Variants in SLC24A2 observed in about 807,000 individuals in gnomAD.
The protein encoded by SLC24A2 is sodium/potassium/calcium exchanger 2.
A neutral mutation model predicts 62.0 loss-of-function variants in SLC24A2; 36 were observed. The ratio of observed to expected loss-of-function variants is 0.58; its 90% CI spans 0.44 to 0.77. The LOEUF is 0.77. Ranked by LOEUF, SLC24A2 falls within the 30% of genes least tolerant of loss-of-function variation. The probability of loss-of-function intolerance (pLI) is 0.00; values close to 1 mark genes in which losing one functional copy is unlikely to be tolerated. For synonymous variants in SLC24A2, 358 were observed against 294.0 expected (o/e 1.22, Z -2.23); for missense variants, 846 against 817.9 (o/e 1.03, Z -0.42).
intron 6 of SLC24A2, 82 bp from the exon 7 acceptor site, chr9:19,573,551 G>GAA: frequency 2.3e-6 from 2 of 862,288 alleles, no homozygotes; most frequent in Admixed American, 1.7e-5. Flanking sequence ...GAGAGAGAGA[G>GAA]AGAAAGCAAA....
chr9:19,848,585 G>A, the SLC24A2 span, among the ~76,000 whole-genome samples: 5 of 152,128 alleles, frequency 3.3e-5, no homozygotes, highest in African/African-American at 1.2e-4. Context: ...TCCTAGGCAA[G>A]AGTTAGCTAT....
the SLC24A2 span, among the ~76,000 whole-genome samples, chr9:20,171,964 C>T: frequency 3.3e-5 from 5 of 152,034 alleles, no homozygotes; most frequent in African/African-American, 1.2e-4. Context: ...TATGATAGGC[C>T]ACAGTACAAG....
chr9:20,065,414 C>T, the SLC24A2 span, among the ~76,000 whole-genome samples: 8 of 152,194 alleles, frequency 5.3e-5, no homozygotes, highest in African/African-American at 1.7e-4. Context: ...TCCCAATATC[C>T]TGTAAATGCC....
Position 19,752,239 on chromosome 9 carries a change from T to A in SLC24A2, c.930+33698A>T, listed in dbSNP as rs576450401. 3.9e-5 allele frequency among the ~76,000 whole-genome samples: 6 copies of A among 152,042 alleles called. No homozygotes were observed. The East Asian group carries it at 1.2e-3, about 30-fold the overall frequency. On this transcript the variant is annotated intron_variant, in intron 2 of 10. Transcript: ENST00000341998. ...AGCTAGGTAGAACAGGGATTTTTCT[T>A]GGTAGATAGAAATATACAGTAACTC...
intron 8 of SLC24A2, among the ~76,000 whole-genome samples, chr9:19,532,304 C>G (rs999619686): frequency 1.3e-5 from 2 of 152,102 alleles, no homozygotes; most frequent in Non-Finnish European, 2.9e-5. Flanking sequence ...CTATGTTGGT[C>G]AGGCTGGTCT....
chr9:19,648,709 A>C (rs967604364), intron 2 of SLC24A2, among the ~76,000 whole-genome samples: 1 of 152,206 alleles, frequency 6.6e-6, no homozygotes, highest in African/African-American at 2.4e-5. Flanking sequence ...AAGGAGGAAC[A>C]TCTAATTAAA....
At chr9:20,154,338 C>G in the SLC24A2 span, among the ~76,000 whole-genome samples, 1 of 151,752 alleles carries the variant, frequency 6.6e-6, no homozygotes, top group East Asian at 1.9e-4. Context: ...TGTGTTTAGA[C>G]AGAGAACTCT....
At chr9:20,240,294 A>G in the SLC24A2 span, among the ~76,000 whole-genome samples, 1 of 152,190 alleles carries the variant, frequency 6.6e-6, no homozygotes, top group African/African-American at 2.4e-5. Flanking sequence ...CTAGATGAGA[A>G]CTTAATCCCA....
At chr9:20,283,981 A>G in the SLC24A2 span, among the ~76,000 whole-genome samples, 1 of 152,112 alleles carries the variant, frequency 6.6e-6, no homozygotes, top group Admixed American at 6.6e-5. Flanking sequence ...GCGTGCCCAA[A>G]AAGCTGCTTT....
chr9:19,966,929 G>A, the SLC24A2 span, among the ~76,000 whole-genome samples: 3 of 152,104 alleles, frequency 2.0e-5, no homozygotes, highest in Admixed American at 6.5e-5. Flanking sequence ...ATTACTGTGA[G>A]ACCAATTTTT....
the SLC24A2 span, among the ~76,000 whole-genome samples, chr9:19,920,564 G>A: frequency 6.6e-6 from 1 of 152,118 alleles, no homozygotes; most frequent in Admixed American, 6.5e-5. Flanking sequence ...CCAACGTACC[G>A]CTATGGGCTA....
chr9:19,676,307 G>C (rs985209164), intron 2 of SLC24A2, among the ~76,000 whole-genome samples: 2 of 152,196 alleles, frequency 1.3e-5, no homozygotes, highest in African/African-American at 2.4e-5. Flanking sequence ...TGTTCCTGCA[G>C]TAGTTCTTGG....
chr9:19,667,057 A>G (rs1819274078), intron 2 of SLC24A2, among the ~76,000 whole-genome samples: 1 of 152,210 alleles, frequency 6.6e-6, no homozygotes, highest in Admixed American at 6.5e-5. Context: ...ATACTCATAA[A>G]TCTAGATGCC....
At chr9:19,618,297 G>A (rs1817820549) in intron 4 of SLC24A2, among the ~76,000 whole-genome samples, 1 of 152,270 alleles carries the variant, frequency 6.6e-6, no homozygotes, top group Non-Finnish European at 1.5e-5. Flanking sequence ...CTCATGACCA[G>A]GTCTAACATC....
intron 2 of SLC24A2, among the ~76,000 whole-genome samples, chr9:19,644,879 T>C (rs1044483184): frequency 6.6e-6 from 1 of 152,238 alleles, no homozygotes; most frequent in Non-Finnish European, 1.5e-5. Flanking sequence ...ATTAGTATTC[T>C]CATTCTGTGA....
At chr9:19,923,418 G>A in the SLC24A2 span, among the ~76,000 whole-genome samples, 1 of 152,136 alleles carries the variant, frequency 6.6e-6, no homozygotes, top group Admixed American at 6.5e-5. Context: ...AGGAGGCATG[G>A]TATCCAGCCA....
chr9:20,262,558 C>A, the SLC24A2 span, among the ~76,000 whole-genome samples: 1 of 152,212 alleles, frequency 6.6e-6, no homozygotes, highest in Non-Finnish European at 1.5e-5. Flanking sequence ...GTTAAAAGCC[C>A]ATTTACCTCA....
intron 4 of SLC24A2, among the ~76,000 whole-genome samples, chr9:19,613,184 G>A (rs938456047): frequency 3.3e-5 from 5 of 152,150 alleles, no homozygotes; most frequent in African/African-American, 1.2e-4. Context: ...CTTTGTTCAA[G>A]GTGGTAATTT....
chr9:19,801,588 T>C, the SLC24A2 span, among the ~76,000 whole-genome samples: 1 of 152,228 alleles, frequency 6.6e-6, no homozygotes, highest in Non-Finnish European at 1.5e-5. Flanking sequence ...CCTGGGTTTA[T>C]ATCCTGATCA....
Sources: allele counts gnomAD v4.1 joint callset (sites outside exome capture counted in the v4.1 genomes callset), GRCh38; gene constraint gnomAD v4.1.1; transcripts MANE v1.5; gene names NCBI Gene and HGNC (gene_info 2026-07-23, HGNC 2026-07-21).